Variants in CCDC91 observed in about 807,000 individuals in gnomAD.
The protein encoded by CCDC91 is coiled-coil domain containing 91, also known as coiled-coil domain-containing protein 91.
A neutral mutation model predicts 63.2 loss-of-function variants in CCDC91; 48 were observed. The ratio of observed to expected loss-of-function variants is 0.76; its 90% CI spans 0.60 to 0.97. The LOEUF (loss-of-function observed/expected upper bound fraction) is 0.97. Among genes scored for constraint, CCDC91 ranks in the 50% least tolerant of loss-of-function variants. CCDC91 has a pLI of 0.00. For missense variants in CCDC91, 500 were observed against 494.6 expected (o/e 1.01, Z -0.10); for synonymous variants, 167 against 165.8 (o/e 1.01, Z -0.06).
chr12:28,382,220 C>T (rs1229578582), intron 7 of CCDC91, among the ~76,000 whole-genome samples: 2 of 151,434 alleles, frequency 1.3e-5, no homozygotes, highest in Non-Finnish European at 2.9e-5. Context: ...AGGAAAAGTT[C>T]TAATCTTTGA....
intron 3 of CCDC91, among the ~76,000 whole-genome samples, chr12:28,287,826 A>C (rs1042148313): frequency 6.6e-6 from 1 of 152,138 alleles, no homozygotes; most frequent in African/African-American, 2.4e-5. Context: ...GATTCTTTCT[A>C]TCCATGAGTG....
chr12:28,437,755 T>G (rs1007989005), intron 8 of CCDC91, among the ~76,000 whole-genome samples: 2 of 152,096 alleles, frequency 1.3e-5, no homozygotes, highest in Non-Finnish European at 2.9e-5. Context: ...ATTTTCCTTT[T>G]TTTTTAACAA....
At chr12:28,238,231 G>A (rs1945096433) in intron 1 of CCDC91, among the ~76,000 whole-genome samples, 1 of 152,060 alleles carries the variant, frequency 6.6e-6, no homozygotes, top group Non-Finnish European at 1.5e-5. Context: ...ATGACAAAAA[G>A]GAAACAAACA....
chr12:28,544,115 A>G (rs1186325224), intron 12 of CCDC91, among the ~76,000 whole-genome samples: 1 of 151,746 alleles, frequency 6.6e-6, no homozygotes, highest in Non-Finnish European at 1.5e-5. Context: ...AAACTCTCCA[A>G]TGTCTTCCCA....
chr12:28,481,026 A>G (rs1951418173), intron 11 of CCDC91, among the ~76,000 whole-genome samples: 1 of 152,064 alleles, frequency 6.6e-6, no homozygotes, highest in African/African-American at 2.4e-5. Flanking sequence ...ATGACATTCA[A>G]CATGACCTAT....
intron 11 of CCDC91, among the ~76,000 whole-genome samples, chr12:28,462,370 A>G (rs113380490): frequency 3.3e-5 from 5 of 152,232 alleles, no homozygotes; most frequent in African/African-American, 9.6e-5. Flanking sequence ...CAATTTTTAT[A>G]TATTATCTTT....
At chr12:28,263,391 A>G (rs1245092247) in intron 3 of CCDC91, among the ~76,000 whole-genome samples, 1 of 151,684 alleles carries the variant, frequency 6.6e-6, no homozygotes, top group African/African-American at 2.4e-5. Context: ...CTAGGATCCT[A>G]TTTTCTATGA....
chr12:28,268,638 A>G, intron 3 of CCDC91: 1 of 985,018 alleles, frequency 1.0e-6, no homozygotes, highest in South Asian at 4.7e-5. Flanking sequence ...TTTTGGCCAC[A>G]GAGCTATATC....
chr12:28,474,268 GATA>G (rs1204982913), intron 11 of CCDC91, among the ~76,000 whole-genome samples: 1 of 149,846 alleles, frequency 6.7e-6, no homozygotes, highest in African/African-American at 2.4e-5. Context: ...AGTTAAAAAT[GATA>G]ATAATGTTAC....
intron 3 of CCDC91, among the ~76,000 whole-genome samples, chr12:28,304,394 AAAAAAAAGAAAAAAAAAAAAAG>A (rs1938454229): frequency 1.6e-5 from 2 of 122,556 alleles, no homozygotes; most frequent in South Asian, 2.8e-4. Context: ...AAAAAAAAAA[AAAAAAAAGAAAAAAAAAAAAAG>A]AAAAAAAGAA....
chr12:28,334,855 T>A (rs1262123050), intron 6 of CCDC91, among the ~76,000 whole-genome samples: 1 of 151,852 alleles, frequency 6.6e-6, no homozygotes, highest in Non-Finnish European at 1.5e-5. Context: ...TAGACAAAAT[T>A]AGCATATGCC....
At chr12:28,259,464 G>GT (rs199541046) in intron 3 of CCDC91, 22 bp downstream of exon 3, 110,311 of 1,069,958 alleles carry the variant, frequency 0.1, 1,482 homozygotes, top group South Asian at 0.11. Context: ...CAGGAATTAG[G>GT]GTTTTTTTTT....
At chr12:28,216,695 A>G (rs1465228487) in intron 1 of CCDC91, among the ~76,000 whole-genome samples, 1 of 152,032 alleles carries the variant, frequency 6.6e-6, no homozygotes, top group Admixed American at 6.6e-5. Context: ...CGTTGAGAGC[A>G]GTGTTCTTAT....
At chr12:28,322,321 T>C (rs1940586313) in intron 6 of CCDC91, among the ~76,000 whole-genome samples, 2 of 151,972 alleles carry the variant, frequency 1.3e-5, no homozygotes, top group Admixed American at 6.6e-5. Flanking sequence ...ATTAACCTGC[T>C]CTTTACTGCA....
chr12:28,393,522 G>A (rs1946086592), intron 8 of CCDC91, among the ~76,000 whole-genome samples: 1 of 151,964 alleles, frequency 6.6e-6, no homozygotes, highest in Admixed American at 6.6e-5. Flanking sequence ...ATCAAACTAG[G>A]GTGGAAGAAA....
chr12:28,272,482 G>GT (rs1301617425), intron 3 of CCDC91, among the ~76,000 whole-genome samples: 1 of 145,794 alleles, frequency 6.9e-6, no homozygotes, highest in Non-Finnish European at 1.5e-5. Context: ...TCTTTTTCAC[G>GT]TTTTGGCTGT....
intron 6 of CCDC91, among the ~76,000 whole-genome samples, chr12:28,352,799 G>A (rs1943268706): frequency 6.6e-6 from 1 of 151,994 alleles, no homozygotes; most frequent in Admixed American, 6.6e-5. Flanking sequence ...ACAGGCAAGA[G>A]CAGCATAATG....
At chr12:28,506,736 G>A (rs1938767740) in intron 12 of CCDC91, among the ~76,000 whole-genome samples, 1 of 151,692 alleles carries the variant, frequency 6.6e-6, no homozygotes, top group South Asian at 2.1e-4. Flanking sequence ...CTTGTGCAAG[G>A]TCACACCACT....
At chr12:28,441,309 G>C (rs1267996922) in intron 8 of CCDC91, among the ~76,000 whole-genome samples, 6 of 151,758 alleles carry the variant, frequency 4.0e-5, no homozygotes, top group Non-Finnish European at 8.8e-5. Flanking sequence ...CAACCATTTT[G>C]GAAAAAGATT....
Sources: gnomAD v4.1 joint callset for allele counts (sites outside exome capture counted in the v4.1 genomes callset) on GRCh38, gnomAD v4.1.1 for gene constraint, MANE v1.5 for transcripts, NCBI Gene and HGNC (gene_info 2026-07-23, HGNC 2026-07-21) for gene names.